The following RPL31 variants were observed in gnomAD, a reference collection of about 807,000 sequenced individuals.
RPL31 encodes ribosomal protein L31, also known as large ribosomal subunit protein eL31.
For missense variants in RPL31, 95 were observed against 164.0 expected, an observed-to-expected ratio of 0.58 and a Z score of 2.30; for synonymous variants, 51 against 55.0, an observed-to-expected ratio of 0.93 and a Z score of 0.32.
chr2:101,015,837 T>C (rs1253985064), intron 4 of RPL31, among the ~76,000 whole-genome samples: 2 of 152,144 alleles, frequency 1.3e-5, no homozygotes, highest in Non-Finnish European at 1.5e-5. Flanking sequence ...ATTCCCTATT[T>C]AATAAATGGT....
chr2:101,014,844 C>A lies in RPL31; in HGVS notation c.347-4154C>A, dbSNP rs558288734. Among the ~76,000 whole-genome samples, 7 of 151,538 alleles carry A rather than the reference C, an allele frequency of 4.6e-5. No individual in the cohort carries two copies. The East Asian group carries it at 1.2e-3, about 25-fold the overall frequency. Reference sequence around the variant, plus strand: ...TGGGTATAACTTGAGTGCCAAACTTCTCTCTTAGACAACCAGTAGTCACAT... The same window carrying A: ...TGGGTATAACTTGAGTGCCAAACTTATCTCTTAGACAACCAGTAGTCACAT... On this transcript the variant is annotated intron_variant, in intron 4 of 4. Transcript: ENST00000409028.
At chr2:101,012,613 ACT>A (rs1679305160) in intron 4 of RPL31, among the ~76,000 whole-genome samples, 1 of 141,454 alleles carries the variant, frequency 7.1e-6, no homozygotes, top group African/African-American at 2.6e-5. Context: ...TCGCTGCACA[ACT>A]CTGAATATAC....
intron 4 of RPL31, among the ~76,000 whole-genome samples, chr2:101,018,685 A>ATG (rs1417188305): frequency 6.6e-6 from 1 of 152,240 alleles, no homozygotes; most frequent in Non-Finnish European, 1.5e-5. Flanking sequence ...GGAACTCATG[A>ATG]TGTGAGGGGT....
At chr2:101,018,546 C>T (rs1297529974) in intron 4 of RPL31, among the ~76,000 whole-genome samples, 1 of 152,198 alleles carries the variant, frequency 6.6e-6, no homozygotes, top group Non-Finnish European at 1.5e-5. Flanking sequence ...AAGACTGGAG[C>T]AGCTTCAATT....
chr2:101,002,615 C>T, intron 1 of RPL31, 87 bp from the exon 2 acceptor site: 2 of 1,148,840 alleles, frequency 1.7e-6, no homozygotes. Context: ...TGGAAGCGCC[C>T]CGAGAGTGAC....
intron 4 of RPL31, among the ~76,000 whole-genome samples, chr2:101,012,457 C>T (rs1679289212): frequency 6.6e-6 from 1 of 152,202 alleles, no homozygotes; most frequent in Non-Finnish European, 1.5e-5. Flanking sequence ...ACAGCAACTC[C>T]ATTTATATCA....
intron 4 of RPL31, among the ~76,000 whole-genome samples, chr2:101,016,070 A>G (rs567343907): frequency 2.0e-5 from 3 of 152,178 alleles, no homozygotes; most frequent in African/African-American, 7.2e-5. Flanking sequence ...AAAATTGACA[A>G]ATGGGATCTA....
At chr2:101,008,276 G>C, downstream of RPL31, 1 of 1,516,052 alleles carries the variant, frequency 6.6e-7, no homozygotes, top group Non-Finnish European at 8.8e-7. Context: ...AATTCTCTCT[G>C]AAATTGAAAT....
chr2:101,013,236 T>C (rs1302029782), intron 4 of RPL31, among the ~76,000 whole-genome samples: 3 of 152,196 alleles, frequency 2.0e-5, no homozygotes, highest in Admixed American at 2.0e-4. Flanking sequence ...GAACGTCACC[T>C]GGACATGGAA....
downstream of RPL31, among the ~76,000 whole-genome samples, chr2:101,012,160 T>TTAG (rs1290331323): frequency 3.9e-5 from 6 of 152,196 alleles, no homozygotes; most frequent in Non-Finnish European, 8.8e-5. Context: ...TCTGGCAGTT[T>TTAG]TTAAAAAAGT....
At chr2:101,008,323 CAT>C, downstream of RPL31, 2 of 1,391,710 alleles carry the variant, frequency 1.4e-6, no homozygotes, top group Non-Finnish European at 1.9e-6. Flanking sequence ...GTGGAAGTGT[CAT>C]TTTTTTTTTT....
At chr2:101,007,883 T>C (rs776084703), downstream of RPL31, 7 of 1,614,036 alleles carry the variant, frequency 4.3e-6, no homozygotes, top group South Asian at 6.6e-5. Flanking sequence ...GTTTTGAGAT[T>C]GTACTGATTG....
At chr2:101,006,212 G>T in intron 4 of RPL31, 138 bp from the exon 5 acceptor site, 1 of 1,511,104 alleles carries the variant, frequency 6.6e-7, no homozygotes, top group Non-Finnish European at 8.8e-7. Flanking sequence ...AGATGCTAAA[G>T]AATGCAAAAC....
At chr2:101,017,725 T>A (rs1573871037) in intron 4 of RPL31, 4 of 946,146 alleles carry the variant, frequency 4.2e-6, no homozygotes, top group Non-Finnish European at 4.8e-6. Context: ...GTACATCACT[T>A]TATCACAGGC....
downstream of RPL31, among the ~76,000 whole-genome samples, chr2:101,008,638 C>T (rs1281521899): frequency 6.6e-6 from 1 of 151,922 alleles, no homozygotes; most frequent in Admixed American, 6.6e-5. Context: ...CATGGAGAAA[C>T]CCCATCTCTA....
intron 2 of RPL31, among the ~76,000 whole-genome samples, chr2:101,003,797 A>G (rs1036535204): frequency 1.4e-4 from 21 of 152,214 alleles, no homozygotes; most frequent in Admixed American, 1.3e-4. Flanking sequence ...CTGTCTTAAG[A>G]CATGACATTT....
intron 4 of RPL31, chr2:101,018,360 CT>C (rs1439655447): frequency 1.3e-5 from 2 of 157,266 alleles, no homozygotes; most frequent in Admixed American, 6.2e-5. Flanking sequence ...GTTTTAAGTG[CT>C]TTTTTTTAAA....
intron 4 of RPL31, chr2:101,018,959 T>A: frequency 1.2e-6 from 2 of 1,605,256 alleles, no homozygotes; most frequent in Non-Finnish European, 8.5e-7. Context: ...GTGTGTTACC[T>A]GACATGGTAC....
chr2:101,004,384 T>C, intron 3 of RPL31, 101 bp downstream of exon 3: 1 of 1,276,080 alleles, frequency 7.8e-7, no homozygotes, highest in Non-Finnish European at 1.1e-6. Context: ...GGTTAATGCA[T>C]GTGGAAGTAT....
Sources: allele counts gnomAD v4.1 joint callset (sites outside exome capture counted in the v4.1 genomes callset), GRCh38; gene constraint gnomAD v4.1.1; transcripts MANE v1.5; gene names NCBI Gene and HGNC (gene_info 2026-07-23, HGNC 2026-07-21).